The following ACCSL variants were observed in gnomAD, a reference collection of about 807,000 sequenced individuals.
The protein encoded by ACCSL is 1-aminocyclopropane-1-carboxylate synthase homolog (inactive) like, also known as probable inactive 1-aminocyclopropane-1-carboxylate synthase-like protein 2.
In ACCSL, 55 loss-of-function variants were observed where a neutral mutation model predicts 61.7. The observed-to-expected ratio is 0.89, with a 90% confidence interval of 0.72 to 1.12. ACCSL has a LOEUF of 1.12. ACCSL is among the 50% of genes most tolerant of loss of function. The probability of loss-of-function intolerance (pLI) is 0.00; values close to 1 mark genes in which losing one functional copy is unlikely to be tolerated. For synonymous variants in ACCSL, 258 were observed against 264.3 expected (o/e 0.98, Z 0.23); for missense variants, 632 against 698.0 (o/e 0.91, Z 1.07).
chr11:44,004,392 G>A, the ACCSL span, among the ~76,000 whole-genome samples: 1 of 151,994 alleles, frequency 6.6e-6, no homozygotes, highest in Non-Finnish European at 1.5e-5. Flanking sequence ...CCAAGAGCAA[G>A]AGGTGAGAAA....
At chr11:43,981,096 A>AAAACAAACAAAC in the ACCSL span, among the ~76,000 whole-genome samples, 906 of 151,658 alleles carry the variant, frequency 6.0e-3, 12 homozygotes, top group African/African-American at 0.021. Flanking sequence ...ATGGGGCAGG[A>AAAACAAACAAAC]AAACAAACAA....
At chr11:44,004,661 A>T in the ACCSL span, among the ~76,000 whole-genome samples, 1 of 152,174 alleles carries the variant, frequency 6.6e-6, no homozygotes, top group South Asian at 2.1e-4. Context: ...AGTAGTGGGT[A>T]AATGACTCCA....
the ACCSL span, among the ~76,000 whole-genome samples, chr11:44,025,283 T>G: frequency 1.3e-5 from 2 of 152,150 alleles, no homozygotes; most frequent in Non-Finnish European, 2.9e-5. Flanking sequence ...TGGATATTTT[T>G]AAATATATAA....
chr11:44,045,595 G>T (rs182230545), upstream of ACCSL, among the ~76,000 whole-genome samples: 1 of 152,098 alleles, frequency 6.6e-6, no homozygotes, highest in Non-Finnish European at 1.5e-5. Flanking sequence ...TCCTCCATTT[G>T]CCTACTAGGC....
At chr11:44,041,597 A>G in the ACCSL span, among the ~76,000 whole-genome samples, 4 of 152,320 alleles carry the variant, frequency 2.6e-5, no homozygotes, top group Admixed American at 2.6e-4. Context: ...TTCTACAACT[A>G]TGTTAAACTC....
chr11:43,972,875 C>T, the ACCSL span, among the ~76,000 whole-genome samples: 1 of 152,148 alleles, frequency 6.6e-6, no homozygotes, highest in African/African-American at 2.4e-5. Context: ...GGGTTTGAGG[C>T]CTCACACCTG....
chr11:43,935,997 G>A, the ACCSL span, among the ~76,000 whole-genome samples: 1 of 152,236 alleles, frequency 6.6e-6, no homozygotes, highest in African/African-American at 2.4e-5. Flanking sequence ...GAGGGCAAGA[G>A]GAAGCAGGAC....
At chr11:43,988,010 G>C in the ACCSL span, among the ~76,000 whole-genome samples, 1 of 152,048 alleles carries the variant, frequency 6.6e-6, no homozygotes, top group Non-Finnish European at 1.5e-5. Flanking sequence ...CAGTCCCAGG[G>C]GTTAGAGCTG....
At chr11:44,000,468 G>C in the ACCSL span, among the ~76,000 whole-genome samples, 1 of 150,404 alleles carries the variant, frequency 6.6e-6, no homozygotes. Context: ...CAGTGTGGCA[G>C]TGTGCTGAGA....
Position 44,059,469 on chromosome 11 carries a change from G to A in ACCSL, c.1625-369G>A, listed in dbSNP as rs186086398. On this transcript the variant is annotated intron_variant, in intron 13 of 13. Coordinates refer to ENST00000378832, the MANE Select transcript of ACCSL (RefSeq NM_001031854.2). ...TGCTGTTCTACCTGCTGGGAATATA[G>A]CAGTGAATTGTTCATTCTCATGAAG... 2.2e-3 allele frequency among the ~76,000 whole-genome samples: 338 copies of A among 152,286 alleles called. 1 individual carries two copies. The highest frequency in any genetic ancestry group is 0.017 in the Middle Eastern group (5 of 294).
At chr11:44,037,868 C>T in the ACCSL span, among the ~76,000 whole-genome samples, 37 of 84,414 alleles carry the variant, frequency 4.4e-4, 1 homozygote, top group African/African-American at 1.2e-3. Flanking sequence ...TTCATCCATC[C>T]ATGCATCCAT....
At chr11:44,011,903 A>G in the ACCSL span, among the ~76,000 whole-genome samples, 1 of 152,232 alleles carries the variant, frequency 6.6e-6, no homozygotes, top group African/African-American at 2.4e-5. Context: ...AATACATCCA[A>G]CCTAGAGCCT....
chr11:43,946,415 T>A, the ACCSL span, among the ~76,000 whole-genome samples: 1 of 152,172 alleles, frequency 6.6e-6, no homozygotes, highest in Non-Finnish European at 1.5e-5. Flanking sequence ...GTTTTTTAAG[T>A]TATTCTTGTA....
At chr11:43,977,387 G>T in the ACCSL span, among the ~76,000 whole-genome samples, 1 of 152,192 alleles carries the variant, frequency 6.6e-6, no homozygotes, top group Non-Finnish European at 1.5e-5. Context: ...GGATGAGAAG[G>T]TTGAAGAGTG....
chr11:44,014,723 G>A, the ACCSL span, among the ~76,000 whole-genome samples: 1 of 152,146 alleles, frequency 6.6e-6, no homozygotes, highest in African/African-American at 2.4e-5. Context: ...GCCTTACTCT[G>A]AAAGTCTGGA....
At chr11:44,050,932 C>G (rs1015599989) in intron 3 of ACCSL, among the ~76,000 whole-genome samples, 18 of 151,676 alleles carry the variant, frequency 1.2e-4, no homozygotes, top group Non-Finnish European at 4.4e-5. Flanking sequence ...GGCTCTGCCC[C>G]CTGGGTTCAG....
At chr11:44,020,118 C>T in the ACCSL span, among the ~76,000 whole-genome samples, 2 of 152,276 alleles carry the variant, frequency 1.3e-5, no homozygotes, top group African/African-American at 4.8e-5. Flanking sequence ...TGTATTTCTA[C>T]CCTTATTCTA....
the ACCSL span, chr11:43,943,828 A>G: frequency 0.018 from 23,441 of 1,299,904 alleles, 280 homozygotes; most frequent in South Asian, 0.025. This position sits in a 1 kb window ranked among gnomAD's most constrained non-coding sequence, Gnocchi z 4.8. Flanking sequence ...TTACCTGGAT[A>G]TGTCTGTGAG....
At chr11:43,952,455 G>A in the ACCSL span, among the ~76,000 whole-genome samples, 8 of 152,282 alleles carry the variant, frequency 5.3e-5, no homozygotes, top group Admixed American at 1.3e-4. Flanking sequence ...CAGGCAGCCC[G>A]GTGCTGCACC....
Sources: gnomAD v4.1 joint callset for allele counts (sites outside exome capture counted in the v4.1 genomes callset) on GRCh38, gnomAD v4.1.1 for gene constraint, Gnocchi (gnomAD v3.1) non-coding constraint, MANE v1.5 for transcripts, NCBI Gene and HGNC (gene_info 2026-07-23, HGNC 2026-07-21) for gene names.